The following SLC4A10 variants were observed in gnomAD, a reference collection of about 807,000 sequenced individuals.
SLC4A10 encodes the protein solute carrier family 4 member 10.
A neutral mutation model predicts 137.7 loss-of-function variants in SLC4A10; 42 were observed. That is an observed-to-expected ratio of 0.30 (90% confidence interval 0.24 to 0.39). The LOEUF is 0.39. SLC4A10 is among the 10% of genes least tolerant of loss of function. The probability of loss-of-function intolerance (pLI) is 1.00; values close to 1 mark genes in which losing one functional copy is unlikely to be tolerated. For missense variants in SLC4A10, 925 were observed against 1,355.0 expected (o/e 0.68, Z 4.98); for synonymous variants, 474 against 464.1 (o/e 1.02, Z -0.27).
intron 3 of SLC4A10, among the ~76,000 whole-genome samples, chr2:161,805,008 C>T (rs558339489): frequency 3.1e-4 from 47 of 152,162 alleles, no homozygotes; most frequent in African/African-American, 9.4e-4. Context: ...AAGACATACC[C>T]GGACTAGACA....
intron 10 of SLC4A10, among the ~76,000 whole-genome samples, chr2:161,887,483 C>T (rs2062439062): frequency 6.6e-6 from 1 of 152,116 alleles, no homozygotes; most frequent in Admixed American, 6.6e-5. Context: ...TGTTTCCTGA[C>T]TTTTTAATGA....
At chr2:161,853,333 T>G (rs75859879) in intron 4 of SLC4A10, among the ~76,000 whole-genome samples, 2,407 of 152,276 alleles carry the variant, frequency 0.016, 66 homozygotes, top group African/African-American at 0.055. Context: ...CCTCAGCTGA[T>G]AGATCAGTCT....
At chr2:161,757,493 C>T (rs977132168) in intron 1 of SLC4A10, among the ~76,000 whole-genome samples, 4 of 152,036 alleles carry the variant, frequency 2.6e-5, no homozygotes, top group Non-Finnish European at 5.9e-5. Flanking sequence ...GCATTATAAC[C>T]GTATTAGCAA....
At chr2:161,795,872 A>G (rs1048380887) in intron 2 of SLC4A10, among the ~76,000 whole-genome samples, 1 of 152,144 alleles carries the variant, frequency 6.6e-6, no homozygotes, top group African/African-American at 2.4e-5. Flanking sequence ...TCTTATAGCT[A>G]TCTTAAGTGC....
chr2:161,807,404 C>T (rs1276709136), intron 3 of SLC4A10, among the ~76,000 whole-genome samples: 1 of 152,108 alleles, frequency 6.6e-6, no homozygotes, highest in African/African-American at 2.4e-5. Flanking sequence ...AGTTCCTTGA[C>T]CATCCCATCT....
intron 1 of SLC4A10, among the ~76,000 whole-genome samples, chr2:161,629,087 A>G (rs931332768): frequency 6.6e-6 from 1 of 151,916 alleles, no homozygotes; most frequent in Non-Finnish European, 1.5e-5. Context: ...GTAAATGGAG[A>G]AATGTGGATG....
At chr2:161,977,654 T>C in intron 25 of SLC4A10, 68 bp from the exon 26 acceptor site, 1 of 1,332,068 alleles carries the variant, frequency 7.5e-7, no homozygotes, top group Non-Finnish European at 1.0e-6. Flanking sequence ...AATTATAAAG[T>C]TCCTTTATTT....
intron 5 of SLC4A10, among the ~76,000 whole-genome samples, chr2:161,859,823 A>G (rs992586973): frequency 2.0e-5 from 3 of 151,782 alleles, no homozygotes; most frequent in Non-Finnish European, 4.4e-5. Flanking sequence ...GATGGTCTCT[A>G]TCCCCTGACC....
intron 3 of SLC4A10, among the ~76,000 whole-genome samples, chr2:161,827,557 A>AT (rs78047881): frequency 0.066 from 10,055 of 151,896 alleles, 436 homozygotes; most frequent in East Asian, 0.15. Context: ...CATCAGTAAT[A>AT]TTATGTGATT....
chr2:161,737,897 A>G lies in SLC4A10; in HGVS notation c.49-33076A>G, dbSNP rs1172510831. ...GAAACAAAGGGGATAGAACACGAAA[A>G]ACATGAATTTCTGAAAGCCAGAGTT... On this transcript the variant is annotated intron_variant, in intron 1 of 26. Coordinates refer to ENST00000446997, the MANE Select transcript of SLC4A10 (RefSeq NM_001178015.2). 2.6e-5 allele frequency among the ~76,000 whole-genome samples: 4 copies of G among 152,168 alleles called. No homozygotes were observed. In the East Asian group the frequency reaches 7.7e-4, roughly 29 times the overall value.
intron 1 of SLC4A10, among the ~76,000 whole-genome samples, chr2:161,708,486 T>G (rs2043927403): frequency 6.6e-6 from 1 of 151,638 alleles, no homozygotes; most frequent in Non-Finnish European, 1.5e-5. Flanking sequence ...TGGCTCATTC[T>G]CTGTTTCGAT....
chr2:161,734,977 C>T (rs1464046099), intron 1 of SLC4A10, among the ~76,000 whole-genome samples: 1 of 151,964 alleles, frequency 6.6e-6, no homozygotes, highest in African/African-American at 2.4e-5. Flanking sequence ...CTCTCTCTCT[C>T]TTGCCACCAT....
intron 3 of SLC4A10, among the ~76,000 whole-genome samples, chr2:161,805,554 G>T (rs757646359): frequency 6.6e-6 from 1 of 152,166 alleles, no homozygotes; most frequent in Non-Finnish European, 1.5e-5. Context: ...GGTAAATACA[G>T]CCATTCCAAA....
intron 26 of SLC4A10, among the ~76,000 whole-genome samples, chr2:161,978,785 C>T (rs1462332027): frequency 1.3e-5 from 2 of 152,184 alleles, no homozygotes; most frequent in Non-Finnish European, 2.9e-5. Context: ...TCAATGGGCT[C>T]CCTCTCAAAG....
At chr2:161,971,607 T>G (rs962023578) in intron 23 of SLC4A10, among the ~76,000 whole-genome samples, 5 of 152,088 alleles carry the variant, frequency 3.3e-5, no homozygotes, top group Non-Finnish European at 7.4e-5. Context: ...CTGATCTGAT[T>G]GAGATAACCT....
chr2:161,681,184 T>A lies in SLC4A10; in HGVS notation c.48+56618T>A, dbSNP rs1244096254. 1.3e-5 allele frequency among the ~76,000 whole-genome samples: 2 copies of A among 152,178 alleles called. 1 individual carries two copies. The highest frequency in any genetic ancestry group is 4.1e-4 in the South Asian group (2 of 4,832). ...CATTTATAACTAACAGAGAACATAG[T>A]GGACTCTCAATCTTCCTTTCCCTGC... On this transcript the variant is annotated intron_variant, in intron 1 of 26. Coordinates refer to ENST00000446997, the MANE Select transcript of SLC4A10 (RefSeq NM_001178015.2).
chr2:161,920,032 G>C (rs1687829020), intron 15 of SLC4A10, among the ~76,000 whole-genome samples: 1 of 152,028 alleles, frequency 6.6e-6, no homozygotes, highest in Non-Finnish European at 1.5e-5. Flanking sequence ...CCAGTGTCTG[G>C]AACTGCCTGC....
intron 15 of SLC4A10, among the ~76,000 whole-genome samples, chr2:161,915,454 G>C (rs558961232): frequency 1.3e-5 from 2 of 152,240 alleles, no homozygotes; most frequent in Non-Finnish European, 2.9e-5. Flanking sequence ...TCAAAATTTT[G>C]GTACTCAAAC....
chr2:161,965,133 C>A lies in SLC4A10; in HGVS notation c.3119C>A (p.Pro1040His). The stretch of plus-strand genomic sequence containing the variant: ...CTCAGCTGGTTGGATGATTTGATGC[C>A]CGAGAGTAAGAAAAAGAAACTGGAA... Reference protein sequence around the residue: ...RELSWLDDLMPESKKKKLEDA... With the variant: ...RELSWLDDLMHESKKKKLEDA... The change falls in exon 23 of 27, where the codon CCC (proline) becomes CAC (histidine). Residue 1040 changes from proline (P) to histidine (H), a missense_variant. Physicochemically the swap from Pro to His is moderately conservative, Grantham distance 77 (BLOSUM62 -2). Transcript: ENST00000446997. 6.2e-7 allele frequency: 1 copy of A among 1,610,476 alleles called. No homozygotes were observed. The highest frequency in any genetic ancestry group is 1.1e-5 in the South Asian group (1 of 90,660).
Sources: gnomAD v4.1 joint callset for allele counts (sites outside exome capture counted in the v4.1 genomes callset) on GRCh38, gnomAD v4.1.1 for gene constraint, MANE v1.5 for transcripts, NCBI Gene and HGNC (gene_info 2026-07-23, HGNC 2026-07-21) for gene names.